The following UTRN variants were observed in gnomAD, a reference collection of about 807,000 sequenced individuals.
UTRN encodes dystrophin-related protein 1.
A neutral mutation model predicts 463.9 loss-of-function variants in UTRN; 283 were observed. That is an observed-to-expected ratio of 0.61 (90% CI 0.55 to 0.67). UTRN has a LOEUF of 0.67. UTRN is among the 30% of genes least tolerant of loss of function. The pLI is 0.00. For missense variants in UTRN, 3,922 were observed against 4,084.3 expected (o/e 0.96, Z 1.08); for synonymous variants, 1,442 against 1,431.5 (o/e 1.01, Z -0.17).
At chr6:144,802,407 G>A (rs149504454) in intron 64 of UTRN, among the ~76,000 whole-genome samples, 245 of 152,222 alleles carry the variant, frequency 1.6e-3, no homozygotes, top group African/African-American at 5.8e-3. Context: ...TTCTGTAGAT[G>A]TGGGTATAAT....
chr6:144,774,832 A>G (rs1775174997), intron 60 of UTRN, among the ~76,000 whole-genome samples: 1 of 152,240 alleles, frequency 6.6e-6, no homozygotes, highest in Non-Finnish European at 1.5e-5. Flanking sequence ...TTTTAAATAT[A>G]TCTTGAGACA....
Position 144,366,232 on chromosome 6 carries a change from A to C in UTRN, c.80-36891A>C, listed in dbSNP as rs560813559. Reference sequence around the variant, plus strand: ...CCCGTGGGAGATGTTGCTATCAATAAATTTTTACCTATATATATTTTAACT... The same window carrying C: ...CCCGTGGGAGATGTTGCTATCAATACATTTTTACCTATATATATTTTAACT... On this transcript the variant is annotated intron_variant, in intron 2 of 74. Coordinates refer to ENST00000367545, the MANE Select transcript of UTRN (RefSeq NM_007124.3). Among the ~76,000 whole-genome samples, 10 of 152,292 alleles carry C rather than the reference A, an allele frequency of 6.6e-5. No individual in the cohort carries two copies. The South Asian group carries it at 2.1e-3, about 32-fold the overall frequency.
At chr6:144,664,792 C>G (rs1433066477) in intron 51 of UTRN, among the ~76,000 whole-genome samples, 1 of 151,522 alleles carries the variant, frequency 6.6e-6, no homozygotes, top group African/African-American at 2.4e-5. Context: ...TCCCAGAAAC[C>G]TCACAAACTG....
chr6:144,561,922 G>C (rs1461807774), intron 50 of UTRN, among the ~76,000 whole-genome samples: 1 of 152,116 alleles, frequency 6.6e-6, no homozygotes, highest in Non-Finnish European at 1.5e-5. Flanking sequence ...GCAGAAGGTT[G>C]AGTCATTATC....
At chr6:144,534,521 A>G (rs958581899) in intron 43 of UTRN, among the ~76,000 whole-genome samples, 3 of 152,228 alleles carry the variant, frequency 2.0e-5, no homozygotes, top group African/African-American at 7.2e-5. Flanking sequence ...ATTAAATGCA[A>G]TAGTGTTTGG....
intron 25 of UTRN, 121 bp downstream of exon 25, chr6:144,474,880 C>T (rs1791027801): frequency 2.6e-6 from 3 of 1,162,482 alleles, no homozygotes; most frequent in Non-Finnish European, 2.4e-6. Context: ...ATAACTCCAG[C>T]ATGGGTAGTG....
Position 144,447,197 on chromosome 6 carries a change from GT to G in UTRN, c.1615-12del, listed in dbSNP as rs1358685062. The G allele has an allele frequency of 1.2e-6, 2 of 1,604,822 alleles. No homozygotes were observed. Among genetic ancestry groups the G allele is most frequent in the Non-Finnish European group, 1.7e-6 (2 of 1,176,566 alleles). ...ATTTTGCAGATAAAGTTCAACTTTT[GT>G]TATTACTTGTAGTGCTTGTTGAAAG... On this transcript the variant is annotated splice_polypyrimidine_tract_variant and intron_variant, in intron 14 of 74. Transcript: ENST00000367545.
At chr6:144,640,765 G>A (rs185113827) in intron 51 of UTRN, among the ~76,000 whole-genome samples, 97 of 152,210 alleles carry the variant, frequency 6.4e-4, no homozygotes, top group Non-Finnish European at 3.8e-4. Context: ...GAAAAGAACT[G>A]CTTCTCAACT....
intron 2 of UTRN, among the ~76,000 whole-genome samples, chr6:144,350,298 G>T (rs1274397796): frequency 6.6e-6 from 1 of 150,862 alleles, no homozygotes; most frequent in Non-Finnish European, 1.5e-5. Context: ...ATTCTACAAA[G>T]TAGAAAACTG....
chr6:144,372,257 G>A (rs1324998869), intron 2 of UTRN, among the ~76,000 whole-genome samples: 2 of 152,204 alleles, frequency 1.3e-5, no homozygotes, highest in Non-Finnish European at 2.9e-5. Context: ...ATGGATGCCT[G>A]GGGGCAGATT....
intron 27 of UTRN, among the ~76,000 whole-genome samples, chr6:144,484,992 G>T (rs1046148539): frequency 6.6e-6 from 1 of 151,878 alleles, no homozygotes; most frequent in South Asian, 2.1e-4. Flanking sequence ...TCAGCTCACC[G>T]CAACCTCCGC....
intron 51 of UTRN, among the ~76,000 whole-genome samples, chr6:144,627,328 A>T (rs141133270): frequency 6.6e-6 from 1 of 152,168 alleles, no homozygotes; most frequent in Non-Finnish European, 1.5e-5. Context: ...TTATCGGTTT[A>T]CTTTCTGTTT....
At chr6:144,647,393 G>A (rs192597098) in intron 51 of UTRN, among the ~76,000 whole-genome samples, 1 of 152,276 alleles carries the variant, frequency 6.6e-6, no homozygotes, top group Admixed American at 6.5e-5. Context: ...AAATAGCAGA[G>A]GATTATAACC....
intron 35 of UTRN, 51 bp from the exon 36 acceptor site, chr6:144,513,858 A>G (rs749763072): frequency 3.8e-6 from 6 of 1,583,224 alleles, no homozygotes; most frequent in Non-Finnish European, 5.1e-6. Flanking sequence ...TAAGATTATC[A>G]TCTTAAATAT....
chr6:144,832,362 C>T (rs532077511), intron 69 of UTRN, among the ~76,000 whole-genome samples: 132 of 152,116 alleles, frequency 8.7e-4, no homozygotes, highest in Non-Finnish European at 1.7e-3. Flanking sequence ...TGAAAGAATG[C>T]AATGATAGTG....
chr6:144,499,452 C>T (rs1793976953), intron 34 of UTRN, 25 bp downstream of exon 34: 1 of 1,574,254 alleles, frequency 6.4e-7, no homozygotes, highest in Non-Finnish European at 8.7e-7. Flanking sequence ...AGATGAAACA[C>T]CAGCATGATG....
intron 51 of UTRN, among the ~76,000 whole-genome samples, chr6:144,677,669 A>G (rs541307369): frequency 1.3e-5 from 2 of 152,298 alleles, no homozygotes; most frequent in Non-Finnish European, 2.9e-5. Context: ...TTTTGGTTCT[A>G]TATCCTTGAG....
intron 41 of UTRN, among the ~76,000 whole-genome samples, chr6:144,527,720 G>A (rs905189847): frequency 6.6e-6 from 1 of 152,226 alleles, no homozygotes; most frequent in African/African-American, 2.4e-5. Context: ...GTCAGATTGG[G>A]TTAATTCAAA....
At chr6:144,609,006 A>G (rs1250743785) in intron 51 of UTRN, among the ~76,000 whole-genome samples, 1 of 152,238 alleles carries the variant, frequency 6.6e-6, no homozygotes, top group Admixed American at 6.5e-5. Flanking sequence ...TCAAATTCCA[A>G]AACGGCAGTA....
Sources: gnomAD v4.1 joint callset for allele counts (sites outside exome capture counted in the v4.1 genomes callset) on GRCh38, gnomAD v4.1.1 for gene constraint, MANE v1.5 for transcripts, NCBI Gene and HGNC (gene_info 2026-07-23, HGNC 2026-07-21) for gene names.